VSTM4: variants seen among roughly 807,000 people sequenced by gnomAD.
VSTM4 encodes V-set and transmembrane domain-containing protein 4.
VSTM4 carries 20 observed loss-of-function variants against 36.4 expected under a neutral mutation model. That is an observed-to-expected ratio of 0.55 (90% CI 0.39 to 0.80). The LOEUF is 0.80. Ranked by LOEUF, VSTM4 falls within the 30% of genes least tolerant of loss-of-function variation. The pLI, the probability that VSTM4 is intolerant of heterozygous loss-of-function variation, is 0.00. For synonymous variants in VSTM4, 182 were observed against 173.9 expected, an observed-to-expected ratio of 1.05 and a Z score of -0.37; for missense variants, 392 against 404.5, an observed-to-expected ratio of 0.97 and a Z score of 0.26.
chr10:49,065,521 C>T (rs1843958129), intron 4 of VSTM4, among the ~76,000 whole-genome samples: 1 of 152,196 alleles, frequency 6.6e-6, no homozygotes, highest in South Asian at 2.1e-4. Context: ...TAAAAGACAC[C>T]TGTGCTATGG....
chr10:49,069,764 C>CA (rs997078499), intron 4 of VSTM4, among the ~76,000 whole-genome samples: 6 of 152,148 alleles, frequency 3.9e-5, no homozygotes, highest in Non-Finnish European at 8.8e-5. Flanking sequence ...CCCTTTGGCA[C>CA]AAAAAGCCAC....
At chr10:49,036,767 G>A (rs1167249403) in intron 7 of VSTM4, among the ~76,000 whole-genome samples, 1 of 152,240 alleles carries the variant, frequency 6.6e-6, no homozygotes, top group Non-Finnish European at 1.5e-5. Flanking sequence ...ACACCCAGCA[G>A]ATGTGGAACA....
At chr10:49,101,975 GTGTGTGTGTGTGTT>G (rs778760663) in intron 2 of VSTM4, among the ~76,000 whole-genome samples, 13 of 82,338 alleles carry the variant, frequency 1.6e-4, no homozygotes, top group Non-Finnish European at 2.8e-4. Context: ...GTGTCTGCGT[GTGTGTGTGTGTGTT>G]TGTGTGTGTG....
At chr10:49,037,823 G>A (rs1843455749) in intron 7 of VSTM4, among the ~76,000 whole-genome samples, 1 of 151,730 alleles carries the variant, frequency 6.6e-6, no homozygotes, top group Non-Finnish European at 1.5e-5. Context: ...TTTCTCCAAA[G>A]ATAGACAAAT....
intron 2 of VSTM4, among the ~76,000 whole-genome samples, chr10:49,104,380 C>T (rs1844725915): frequency 6.6e-6 from 1 of 152,166 alleles, no homozygotes; most frequent in Non-Finnish European, 1.5e-5. Flanking sequence ...AGGCCCAGGA[C>T]ACCGGGAAAG....
intron 7 of VSTM4, among the ~76,000 whole-genome samples, chr10:49,027,893 G>A (rs146102338): frequency 2.0e-5 from 3 of 152,302 alleles, no homozygotes; most frequent in Non-Finnish European, 4.4e-5. Context: ...TGTTATAAAC[G>A]TTCAAATATA....
At chr10:49,036,434 C>T (rs940624782) in intron 7 of VSTM4, among the ~76,000 whole-genome samples, 4 of 151,800 alleles carry the variant, frequency 2.6e-5, no homozygotes, top group Non-Finnish European at 5.9e-5. Flanking sequence ...AATTTTAAAT[C>T]GAGATTATGA....
intron 7 of VSTM4, 82 bp downstream of exon 7, chr10:49,046,901 G>T: frequency 7.4e-7 from 1 of 1,347,978 alleles, no homozygotes; most frequent in South Asian, 1.2e-5. Flanking sequence ...TGTATGTTTT[G>T]AGTTAATAAA....
At chr10:49,081,200 T>C (rs957834456) in intron 3 of VSTM4, among the ~76,000 whole-genome samples, 1 of 152,158 alleles carries the variant, frequency 6.6e-6, no homozygotes, top group East Asian at 1.9e-4. Flanking sequence ...CAGAACAGGA[T>C]GGCAGAGCCC....
At chr10:49,087,403 A>G (rs1844388095) in intron 2 of VSTM4, among the ~76,000 whole-genome samples, 1 of 152,044 alleles carries the variant, frequency 6.6e-6, no homozygotes. Context: ...TGTCTGTTGG[A>G]ATGCCTGATA....
intron 2 of VSTM4, among the ~76,000 whole-genome samples, chr10:49,100,544 C>T (rs187542172): frequency 6.6e-5 from 10 of 151,254 alleles, no homozygotes; most frequent in Non-Finnish European, 1.5e-4. Context: ...TAAAAATGTT[C>T]GAGAGTCATG....
intron 5 of VSTM4, 126 bp downstream of exon 5, chr10:49,064,577 G>T: frequency 9.2e-7 from 1 of 1,085,702 alleles, no homozygotes; most frequent in Non-Finnish European, 1.4e-6. Context: ...ACATTTGCAG[G>T]CATATTTGTG....
chr10:49,108,201 G>A (rs1379538109), intron 1 of VSTM4, among the ~76,000 whole-genome samples: 1 of 152,126 alleles, frequency 6.6e-6, no homozygotes, highest in African/African-American at 2.4e-5. Context: ...CTCATCTATG[G>A]GACCACCCTG....
intron 7 of VSTM4, among the ~76,000 whole-genome samples, chr10:49,045,882 C>T (rs974514946): frequency 6.6e-6 from 1 of 152,146 alleles, no homozygotes; most frequent in Admixed American, 6.5e-5. Flanking sequence ...CTCTGTGTCT[C>T]CACCCAAATG....
At chr10:49,111,526 G>A (rs1351052885) in intron 1 of VSTM4, among the ~76,000 whole-genome samples, 1 of 152,224 alleles carries the variant, frequency 6.6e-6, no homozygotes. Context: ...GAGCAGCCAG[G>A]CAGGGCAGAT....
chr10:49,108,356 C>T (rs955356680), intron 1 of VSTM4, among the ~76,000 whole-genome samples: 1 of 152,210 alleles, frequency 6.6e-6, no homozygotes, highest in Non-Finnish European at 1.5e-5. Flanking sequence ...CCACATCCAA[C>T]CCCCCACCAC....
At chr10:49,090,482 C>T (rs368718630) in intron 2 of VSTM4, among the ~76,000 whole-genome samples, 1 of 152,152 alleles carries the variant, frequency 6.6e-6, no homozygotes, top group African/African-American at 2.4e-5. Context: ...GACAATGGTC[C>T]TATAGGGTCC....
At chr10:49,097,179 A>AT (rs1162257598) in intron 2 of VSTM4, among the ~76,000 whole-genome samples, 2 of 152,200 alleles carry the variant, frequency 1.3e-5, no homozygotes, top group African/African-American at 4.8e-5. Context: ...GCTGGGGCCC[A>AT]TCTTTCACCA....
intron 5 of VSTM4, among the ~76,000 whole-genome samples, chr10:49,058,970 T>C (rs1005209080): frequency 5.9e-5 from 9 of 152,178 alleles, no homozygotes; most frequent in Non-Finnish European, 1.3e-4. Context: ...GGCAGACAGA[T>C]GAGGGTGCTG....
Sources: allele counts gnomAD v4.1 joint callset (sites outside exome capture counted in the v4.1 genomes callset), GRCh38; gene constraint gnomAD v4.1.1; transcripts MANE v1.5; gene names NCBI Gene and HGNC (gene_info 2026-07-23, HGNC 2026-07-21).